The following KIAA0825 variants were observed in gnomAD, a reference collection of about 807,000 sequenced individuals.
KIAA0825 encodes KIAA0825, also known as uncharacterized protein KIAA0825.
Under a neutral mutation model 147.6 loss-of-function variants are expected in KIAA0825, and 119 were observed. That is an observed-to-expected ratio of 0.81 (90% confidence interval 0.69 to 0.94). The LOEUF (loss-of-function observed/expected upper bound fraction) is 0.94. Ranked by LOEUF, KIAA0825 falls within the 40% of genes least tolerant of loss-of-function variation. KIAA0825 has a pLI of 0.00. For missense variants in KIAA0825, 1,381 were observed against 1,472.7 expected (o/e 0.94, Z 1.02); for synonymous variants, 470 against 518.1 (o/e 0.91, Z 1.26).
intron 2 of KIAA0825, among the ~76,000 whole-genome samples, chr5:94,566,719 A>G (rs7727885): frequency 0.013 from 1,997 of 152,220 alleles, 43 homozygotes; most frequent in African/African-American, 0.045. Context: ...AGACTCTTCT[A>G]TATAGATTAT....
At chr5:94,418,489 C>T (rs1297626699) in intron 14 of KIAA0825, among the ~76,000 whole-genome samples, 1 of 148,566 alleles carries the variant, frequency 6.7e-6, no homozygotes, top group Non-Finnish European at 1.5e-5. Flanking sequence ...TGCCCCCACA[C>T]TTCGATTATT....
At chr5:94,411,109 GTTCTTATAT>G (rs1752707694) in intron 15 of KIAA0825, among the ~76,000 whole-genome samples, 1 of 152,074 alleles carries the variant, frequency 6.6e-6, no homozygotes, top group Non-Finnish European at 1.5e-5. Context: ...GCATCATAAG[GTTCTTATAT>G]CAGATGCAAA....
intron 20 of KIAA0825, among the ~76,000 whole-genome samples, chr5:94,368,241 C>T (rs942700494): frequency 6.6e-6 from 1 of 152,216 alleles, no homozygotes; most frequent in African/African-American, 2.4e-5. Flanking sequence ...GATGCAATCA[C>T]AGCTCACTAC....
At chr5:94,605,347 C>T (rs1045619905) in intron 1 of KIAA0825, among the ~76,000 whole-genome samples, 2 of 152,164 alleles carry the variant, frequency 1.3e-5, no homozygotes, top group African/African-American at 4.8e-5. Context: ...CAAACAAGAG[C>T]TGGTATCACT....
At chr5:94,456,448 T>C (rs561394476) in intron 12 of KIAA0825, among the ~76,000 whole-genome samples, 13 of 152,298 alleles carry the variant, frequency 8.5e-5, no homozygotes, top group South Asian at 2.1e-4. Context: ...TTATAGGATT[T>C]AACTCTACCT....
rs971962179 is a variant in KIAA0825, at chr5:94,249,730, T to G, written c.3711-95606A>C. Among the ~76,000 whole-genome samples the G allele has an allele frequency of 2.0e-5, 3 of 152,134 alleles. No individual in the cohort carries two copies. The Middle Eastern group carries it at 0.01, about 517-fold the overall frequency. ...CTTTACAACTCTGTTTAAAGAAGCC[T>G]TATTTTTTTTTGTCACTCTATGTGA... On this transcript the variant is annotated intron_variant, in intron 20 of 20. Transcript: ENST00000682413.
At chr5:94,329,416 C>A (rs1482487432) in intron 20 of KIAA0825, among the ~76,000 whole-genome samples, 1 of 152,038 alleles carries the variant, frequency 6.6e-6, no homozygotes, top group Non-Finnish European at 1.5e-5. Context: ...AAAATTAACA[C>A]AGAATGATAA....
intron 20 of KIAA0825, among the ~76,000 whole-genome samples, chr5:94,196,046 G>A (rs988615207): frequency 4.6e-5 from 7 of 152,128 alleles, no homozygotes; most frequent in South Asian, 2.1e-4. Context: ...GGGTACATGC[G>A]ATTTCAGCTA....
intron 13 of KIAA0825, among the ~76,000 whole-genome samples, chr5:94,448,621 G>A (rs1373924808): frequency 2.0e-5 from 3 of 151,906 alleles, no homozygotes; most frequent in Non-Finnish European, 4.4e-5. Flanking sequence ...CTCTCCTCTC[G>A]GCCTTCCCTT....
intron 20 of KIAA0825, among the ~76,000 whole-genome samples, chr5:94,375,157 G>C (rs139248496): frequency 6.7e-6 from 1 of 149,788 alleles, no homozygotes; most frequent in African/African-American, 2.5e-5. Context: ...TCAGCCTCCC[G>C]AGTAGCTGGG....
At chr5:94,268,341 G>A (rs371738716) in intron 20 of KIAA0825, among the ~76,000 whole-genome samples, 1 of 152,080 alleles carries the variant, frequency 6.6e-6, no homozygotes, top group African/African-American at 2.4e-5. Flanking sequence ...CTCTGGGCGG[G>A]CTGGGTGTTG....
chr5:94,455,424 T>A (rs906379985), intron 12 of KIAA0825, among the ~76,000 whole-genome samples: 1 of 152,150 alleles, frequency 6.6e-6, no homozygotes, highest in Non-Finnish European at 1.5e-5. Context: ...TAGCTTAGCA[T>A]GCTGAGGGTA....
At chr5:94,608,979 T>C (rs1788179038) in intron 1 of KIAA0825, among the ~76,000 whole-genome samples, 1 of 152,154 alleles carries the variant, frequency 6.6e-6, no homozygotes, top group Admixed American at 6.6e-5. Context: ...ATTATGTATT[T>C]GTAAAAGATT....
intron 20 of KIAA0825, among the ~76,000 whole-genome samples, chr5:94,328,057 T>C (rs1275017702): frequency 6.6e-6 from 1 of 152,200 alleles, no homozygotes; most frequent in East Asian, 1.9e-4. Context: ...CAATATTTAA[T>C]ATGTATGTCA....
At chr5:94,307,858 A>T (rs1778848534) in intron 20 of KIAA0825, among the ~76,000 whole-genome samples, 1 of 151,802 alleles carries the variant, frequency 6.6e-6, no homozygotes, top group Non-Finnish European at 1.5e-5. Context: ...TGAAGGAAGG[A>T]GCATTCCTCC....
intron 14 of KIAA0825, among the ~76,000 whole-genome samples, chr5:94,427,500 C>T (rs1461763396): frequency 1.3e-5 from 2 of 152,118 alleles, no homozygotes; most frequent in African/African-American, 4.8e-5. Context: ...TGCACCACTA[C>T]ATTCCAGCCT....
intron 7 of KIAA0825, among the ~76,000 whole-genome samples, chr5:94,474,999 G>A (rs1263243057): frequency 6.6e-6 from 1 of 151,752 alleles, no homozygotes; most frequent in Non-Finnish European, 1.5e-5. Context: ...TGAGGCAGGA[G>A]AATCGCTGGA....
chr5:94,220,640 T>C (rs994053328), intron 20 of KIAA0825, among the ~76,000 whole-genome samples: 1 of 152,198 alleles, frequency 6.6e-6, no homozygotes, highest in Non-Finnish European at 1.5e-5. Context: ...TTATGGATTA[T>C]ATAAACAGCA....
At chr5:94,598,136 A>T (rs1241647373) in intron 1 of KIAA0825, among the ~76,000 whole-genome samples, 1 of 152,046 alleles carries the variant, frequency 6.6e-6, no homozygotes, top group Non-Finnish European at 1.5e-5. Context: ...TTTACTTTAT[A>T]AACTTAAAAT....
Sources: gnomAD v4.1 joint callset for allele counts (sites outside exome capture counted in the v4.1 genomes callset) on GRCh38, gnomAD v4.1.1 for gene constraint, MANE v1.5 for transcripts, NCBI Gene and HGNC (gene_info 2026-07-23, HGNC 2026-07-21) for gene names.